TUBA8: variants seen among roughly 807,000 people sequenced by gnomAD.
The protein encoded by TUBA8 is tubulin alpha-8 chain.
TUBA8 carries 29 observed loss-of-function variants against 34.7 expected under a neutral mutation model. The observed-to-expected ratio is 0.84, with a 90% confidence interval of 0.62 to 1.14. The LOEUF is 1.14. Ranked by LOEUF, TUBA8 falls within the 50% of genes most tolerant of loss-of-function variation. TUBA8 has a pLI of 0.00. For missense variants in TUBA8, 541 were observed against 599.2 expected, an observed-to-expected ratio of 0.90 and a Z score of 1.01; for synonymous variants, 226 against 231.2, an observed-to-expected ratio of 0.98 and a Z score of 0.21.
intron 4 of TUBA8, chr22:18,130,635 C>T: frequency 1.6e-6 from 1 of 634,318 alleles, no homozygotes; most frequent in Non-Finnish European, 2.7e-6. Context: ...CTCTGTTGCC[C>T]TGCCTGCTTC....
At position 18,124,135 on chromosome 22, in the gene TUBA8, A is replaced by G. The variant is rs756871529; in HGVS notation, c.227-21A>G. On this transcript the variant is annotated intron_variant, in intron 2 of 4. Transcript: ENST00000330423. The surrounding 1 kb of genome is among the most constrained non-coding windows in gnomAD (Gnocchi z 4.3). ...CTTCTCCCCTGGGCAGTAGGACCTA[A>G]TGGTCTTCCTCTCTTGGAAGATGAG... 80 of 1,613,898 alleles carry G rather than the reference A, an allele frequency of 5.0e-5. No homozygotes were observed. The highest frequency in any genetic ancestry group is 6.4e-5 in the Non-Finnish European group (76 of 1,179,986).
chr22:18,126,652 C>A lies in TUBA8; in HGVS notation c.674C>A (p.Thr225Asn). ...RNLDIERPTYTNLNRLISQIV... is the reference protein window; with the variant it reads ...RNLDIERPTYNNLNRLISQIV... ...CTTGACATTGAGCGCCCTACCTATA[C>A]CAACCTCAACCGCCTCATCAGTCAG... Residue 225 changes from threonine to asparagine, a missense_variant, in exon 4 of 5, where the codon ACC becomes AAC. Thr to Asn is a moderately conservative substitution (Grantham distance 65). Transcript: ENST00000330423. This position sits in a 1 kb window ranked among gnomAD's most constrained non-coding sequence, Gnocchi z 4.0. 6.2e-7 allele frequency: 1 copy of A among 1,614,166 alleles called. No individual in the cohort carries two copies. Among genetic ancestry groups the A allele is most frequent in the Non-Finnish European group, 8.5e-7 (1 of 1,180,030 alleles).
Position 18,126,406 on chromosome 22 carries a change from G to T in TUBA8, c.428G>T (p.Gly143Val). The change falls in exon 4 of 5, where the codon GGG becomes GTG. Residue 143 changes from glycine to valine, a missense_variant. Transcript: ENST00000330423. This position sits in a 1 kb window ranked among gnomAD's most constrained non-coding sequence, Gnocchi z 4.0. ...TTCCTGATTTTCCACAGTTTTGGTG[G>T]GGGCACTGGCTCCGGCTTCACTTCT... is the stretch of plus-strand genomic sequence containing the variant. ...QGFLIFHSFG[G>V]GTGSGFTSLL... is the part of the protein sequence containing the mutation. 1 of 1,614,036 alleles carries T rather than the reference G, an allele frequency of 6.2e-7. No homozygotes were observed. Among genetic ancestry groups the T allele is most frequent in the Non-Finnish European group, 8.5e-7 (1 of 1,180,006 alleles).
Position 18,118,073 on chromosome 22 carries a change from G to C in TUBA8, c.4-3406G>C. The C allele has an allele frequency of 6.6e-6, 1 of 152,184 alleles. No individual in the cohort carries two copies. Among genetic ancestry groups the C allele is most frequent in the Non-Finnish European group, 1.5e-5 (1 of 68,036 alleles). 9.4% of individuals were successfully genotyped at this position (152,184 alleles called of 1,614,324 possible). Reference sequence around the variant, plus strand: ...GCCCACAGTTAGCGATGCTGAGATTGATCGCGGCCTTAGGCTGGCGACCCT... The same window carrying C: ...GCCCACAGTTAGCGATGCTGAGATTCATCGCGGCCTTAGGCTGGCGACCCT... On this transcript the variant is annotated intron_variant, in intron 1 of 4. Coordinates refer to ENST00000330423, the MANE Select transcript of TUBA8 (RefSeq NM_018943.3). The surrounding 1 kb of genome is among the most constrained non-coding windows in gnomAD (Gnocchi z 4.0).
intron 4 of TUBA8, chr22:18,129,486 G>A (rs368518516): frequency 3.9e-5 from 6 of 152,266 alleles, no homozygotes; most frequent in African/African-American, 1.4e-4. Context: ...ACTTAGAGGA[G>A]AACAGGTTGG....
At chr22:18,122,555 G>A (rs1928178224) in intron 2 of TUBA8, 1 of 152,194 alleles carries the variant, frequency 6.6e-6, no homozygotes, top group South Asian at 2.1e-4. Flanking sequence ...GATCTGCTCT[G>A]TATCCGCTTT....
rs1602486749 is a variant in TUBA8 at position 18,111,592 on chromosome 22, G to A, written c.3+724G>A. ...CCTGCCCCCGCCCCTGGATCTTACT[G>A]AGGGGCGGCTGCAAACACTCAGTTC... On this transcript the variant is annotated intron_variant, in intron 1 of 4. Coordinates refer to ENST00000330423, the MANE Select transcript of TUBA8 (RefSeq NM_018943.3). This position sits in a 1 kb window ranked among gnomAD's most constrained non-coding sequence, Gnocchi z 5.1. 1 of 152,124 alleles carries A rather than the reference G, an allele frequency of 6.6e-6. No homozygotes were observed. Among genetic ancestry groups the A allele is most frequent in the Non-Finnish European group, 1.5e-5 (1 of 68,066 alleles). The allele number at this position is 152,124 out of a possible 1,614,324, so 9.4% of individuals were successfully genotyped here. A position where few individuals can be genotyped will look rare whatever the true frequency, so the allele number is the denominator to read the frequency against.
chr22:18,126,687 T>C lies in TUBA8; in HGVS notation c.709T>C (p.Ser237Pro), dbSNP rs1471019149. The change falls in exon 4 of 5, where the codon TCA becomes CCA. Residue 237 changes from serine (S) to proline (P), a missense_variant. By Grantham distance (74) the Ser-to-Pro change is moderately conservative. Transcript: ENST00000330423. This position sits in a 1 kb window ranked among gnomAD's most constrained non-coding sequence, Gnocchi z 4.0. Reference protein sequence around the residue: ...LNRLISQIVSSITASLRFDGA... With the variant: ...LNRLISQIVSPITASLRFDGA... ...CCGCCTCATCAGTCAGATTGTGTCC[T>C]CAATCACTGCTTCTCTCCGCTTTGA... 2 of 1,614,186 alleles carry C rather than the reference T, an allele frequency of 1.2e-6. No individual in the cohort carries two copies. Among genetic ancestry groups the C allele is most frequent in the East Asian group, 4.5e-5 (2 of 44,880 alleles).
rs1397166546 is a variant in TUBA8, at chr22:18,126,369, G to T, written c.391G>T (p.Gly131Cys). 6.2e-7 allele frequency: 1 copy of T among 1,614,086 alleles called. No homozygotes were observed. The highest frequency in any genetic ancestry group is 1.1e-5 in the South Asian group (1 of 91,070). ...CTCTCCCTAGACAGATGCTTGCTCT[G>T]GCCTGCAGGGCTTCCTGATTTTCCA... ...RIRKLTDACS[G>C]LQGFLIFHSF... The change falls in exon 4 of 5, where the codon GGC becomes TGC. Residue 131 changes from glycine (G) to cysteine (C), a missense_variant. Physicochemically the swap from Gly to Cys is radical, Grantham distance 159. Coordinates refer to ENST00000330423, the MANE Select transcript of TUBA8 (RefSeq NM_018943.3). The surrounding 1 kb of genome is among the most constrained non-coding windows in gnomAD (Gnocchi z 4.0).
chr22:18,115,357 C>T (rs1470865264), intron 1 of TUBA8: 2 of 152,332 alleles, frequency 1.3e-5, no homozygotes, highest in African/African-American at 4.8e-5. Flanking sequence ...CTTGGAACTC[C>T]CTCTGCACTT....
At chr22:18,128,331 T>C (rs1398830335) in intron 4 of TUBA8, 1 of 151,954 alleles carries the variant, frequency 6.6e-6, no homozygotes, top group African/African-American at 2.4e-5. Flanking sequence ...AGTGGGGAGA[T>C]ACAAAATAGC....
rs146457734 is a variant in TUBA8, at chr22:18,130,223, C to T, written c.1057-620C>T. On this transcript the variant is annotated intron_variant, in intron 4 of 4. Coordinates refer to ENST00000330423, the MANE Select transcript of TUBA8 (RefSeq NM_018943.3). Reference sequence around the variant, plus strand: ...CACAACTAAGAGGAACTTCAGATGACCACTTGGGAGAGAGTACACTTTTGA... The same window carrying T: ...CACAACTAAGAGGAACTTCAGATGATCACTTGGGAGAGAGTACACTTTTGA... 2.0e-3 allele frequency: 300 copies of T among 152,680 alleles called. 1 individual carries two copies. Among genetic ancestry groups the T allele is most frequent in the Middle Eastern group, 3.4e-3 (1 of 296 alleles). 9.5% of individuals were successfully genotyped at this position (152,680 alleles called of 1,614,324 possible). A position where few individuals can be genotyped will look rare whatever the true frequency, so the allele number is the denominator to read the frequency against.
rs142925642 is a variant in TUBA8, at chr22:18,126,894, G to A, written c.916G>A (p.Asp306Asn). Residue 306 changes from aspartate (D) to asparagine (N), a missense_variant, in exon 4 of 5, where the codon GAC becomes AAC. Transcript: ENST00000330423. The surrounding 1 kb of genome is among the most constrained non-coding windows in gnomAD (Gnocchi z 4.0). The part of the protein sequence containing the change: ...FEPNSQMVKC[D>N]PRHGKYMACC... ...GCCCAACAGCCAGATGGTGAAGTGC[G>A]ACCCGAGACATGGCAAGTACATGGC... 2.7e-4 allele frequency: 442 copies of A among 1,611,450 alleles called. No individual in the cohort carries two copies. Among genetic ancestry groups the A allele is most frequent in the Non-Finnish European group, 3.5e-4 (408 of 1,178,534 alleles).
rs756448388 is a variant in TUBA8, at chr22:18,130,870, G to A, written c.1084G>A (p.Val362Met). 1.1e-5 allele frequency: 18 copies of A among 1,613,804 alleles called. No individual in the cohort carries two copies. The highest frequency in any genetic ancestry group is 8.3e-5 in the Admixed American group (5 of 59,970). Residue 362 changes from valine (V) to methionine (M), a missense_variant, in exon 5 of 5, where the codon GTG (valine) becomes ATG (methionine). Physicochemically the swap from Val to Met is conservative, Grantham distance 21. Transcript: ENST00000330423. ...KVGINYQPPT[V>M]VPGGDLAKVQ... The stretch of plus-strand genomic sequence containing the variant: ...GGGCATCAACTACCAGCCCCCGACC[G>A]TGGTCCCCGGGGGAGACCTGGCCAA...
intron 2 of TUBA8, chr22:18,122,697 A>C (rs971002720): frequency 2.0e-5 from 3 of 151,772 alleles, no homozygotes; most frequent in Non-Finnish European, 4.4e-5. Flanking sequence ...TATTATTGCC[A>C]CCATGAGGTG....
At chr22:18,127,834 A>C (rs1485881252) in intron 4 of TUBA8, 4 of 149,522 alleles carry the variant, frequency 2.7e-5, no homozygotes, top group Admixed American at 1.3e-4. Context: ...AGTAACTGGG[A>C]CTACAGGCGC....
In TUBA8 at chr22:18,126,309, G is replaced by A. The variant is rs755265426; in HGVS notation, c.376-45G>A. On this transcript the variant is annotated intron_variant, in intron 3 of 4. Coordinates refer to ENST00000330423, the MANE Select transcript of TUBA8 (RefSeq NM_018943.3). This position sits in a 1 kb window ranked among gnomAD's most constrained non-coding sequence, Gnocchi z 4.0. ...GGCTTTTTTACTGTGGGGTGTTCTC[G>A]GAAACTTGTCTTCATGATTTCTTCT... 66 of 1,603,296 alleles carry A rather than the reference G, an allele frequency of 4.1e-5. No individual in the cohort carries two copies. The highest frequency in any genetic ancestry group is 6.7e-5 in the Admixed American group (4 of 59,966).
Position 18,124,452 on chromosome 22 carries a change from TAAG to T in TUBA8, c.375+152_375+154del. On this transcript the variant is annotated intron_variant, in intron 3 of 4. Transcript: ENST00000330423. This position sits in a 1 kb window ranked among gnomAD's most constrained non-coding sequence, Gnocchi z 4.3. ...TTTGGGAATTTCTGCTTAAATTCTG[TAAG>T]AAGCATGCACAGGGGTGATGCCCCT... 1.0e-6 allele frequency: 1 copy of T among 956,112 alleles called. No individual in the cohort carries two copies. The highest frequency in any genetic ancestry group is 2.8e-5 in the Admixed American group (1 of 35,326). The allele number at this position is 956,112 out of a possible 1,614,324, so 59.2% of individuals were successfully genotyped here.
In TUBA8 at chr22:18,126,379, G is replaced by T. The variant is rs918316337; in HGVS notation, c.401G>T (p.Gly134Val). ...KLTDACSGLQ[G>V]FLIFHSFGGG... ...ACAGATGCTTGCTCTGGCCTGCAGG[G>T]CTTCCTGATTTTCCACAGTTTTGGT... Residue 134 changes from glycine to valine, a missense_variant, in exon 4 of 5, where the codon GGC (glycine) becomes GTC (valine). By Grantham distance (109) the Gly-to-Val change is moderately radical (BLOSUM62 -3). Coordinates refer to ENST00000330423, the MANE Select transcript of TUBA8 (RefSeq NM_018943.3). This position sits in a 1 kb window ranked among gnomAD's most constrained non-coding sequence, Gnocchi z 4.0. The T allele has an allele frequency of 1.9e-6, 3 of 1,614,096 alleles. No homozygotes were observed. The highest frequency in any genetic ancestry group is 2.5e-6 in the Non-Finnish European group (3 of 1,180,008).
Sources: allele counts gnomAD v4.1 joint callset, GRCh38; gene constraint gnomAD v4.1.1; non-coding constraint Gnocchi (gnomAD v3.1); transcripts MANE v1.5; gene names NCBI Gene and HGNC (gene_info 2026-07-23, HGNC 2026-07-21).